The following KCNT2 variants were observed in gnomAD, a reference collection of about 807,000 sequenced individuals.
KCNT2 encodes the protein potassium sodium-activated channel subfamily T member 2.
A neutral mutation model predicts 153.8 loss-of-function variants in KCNT2; 67 were observed. That is an observed-to-expected ratio of 0.44 (90% CI 0.36 to 0.53). KCNT2 has a LOEUF of 0.53. Among genes scored for constraint, KCNT2 ranks in the 20% least tolerant of loss-of-function variants. KCNT2 has a pLI of 0.00. For synonymous variants in KCNT2, 500 were observed against 458.8 expected, an observed-to-expected ratio of 1.09 and a Z score of -1.15; for missense variants, 975 against 1,354.8, an observed-to-expected ratio of 0.72 and a Z score of 4.40.
chr1:196,337,233 G>A (rs1383596091), intron 16 of KCNT2, among the ~76,000 whole-genome samples: 3 of 148,676 alleles, frequency 2.0e-5, no homozygotes, highest in Admixed American at 6.9e-5. Flanking sequence ...TGCTTAATCC[G>A]AAAACCTTAT....
At chr1:196,232,505 G>C (rs910973276) in intron 27 of KCNT2, among the ~76,000 whole-genome samples, 10 of 151,546 alleles carry the variant, frequency 6.6e-5, no homozygotes, top group Admixed American at 5.9e-4. Context: ...TCTTTCAAAT[G>C]ATAATTTATC....
intron 13 of KCNT2, among the ~76,000 whole-genome samples, chr1:196,382,184 C>T (rs947349407): frequency 6.6e-6 from 1 of 151,798 alleles, no homozygotes; most frequent in African/African-American, 2.4e-5. Flanking sequence ...CTGCAAGCTC[C>T]GCCTCCCAGG....
At chr1:196,391,681 C>T (rs543127429) in intron 13 of KCNT2, among the ~76,000 whole-genome samples, 3 of 151,288 alleles carry the variant, frequency 2.0e-5, no homozygotes, top group East Asian at 3.9e-4. Context: ...ACATCTTTTG[C>T]AATATTTAAA....
In KCNT2 at chr1:196,388,370, A is replaced by G. The variant is rs563905621; in HGVS notation, c.1294+10193T>C. The stretch of plus-strand genomic sequence containing the variant: ...TTCTGACATGAATCTTCTTTTTCAT[A>G]GTTGTTATGACTATTATCTTTACAT... On this transcript the variant is annotated intron_variant, in intron 13 of 27. Transcript: ENST00000294725. Among the ~76,000 whole-genome samples the G allele has an allele frequency of 7.9e-5, 12 of 151,798 alleles. No individual in the cohort carries two copies. In the South Asian group the frequency reaches 2.5e-3, roughly 31 times the overall value.
At chr1:196,574,627 G>C (rs1441982951) in intron 1 of KCNT2, among the ~76,000 whole-genome samples, 1 of 151,680 alleles carries the variant, frequency 6.6e-6, no homozygotes, top group African/African-American at 2.4e-5. Flanking sequence ...TTCTTGATGA[G>C]GCCTTTTCAA....
intron 12 of KCNT2, among the ~76,000 whole-genome samples, chr1:196,420,213 G>C (rs915056432): frequency 5.3e-5 from 8 of 151,576 alleles, no homozygotes; most frequent in African/African-American, 1.9e-4. Context: ...TGAGTGTCTT[G>C]TTTTGTTTTG....
chr1:196,461,764 T>C (rs1677173998), intron 8 of KCNT2, among the ~76,000 whole-genome samples: 1 of 151,696 alleles, frequency 6.6e-6, no homozygotes, highest in Non-Finnish European at 1.5e-5. Flanking sequence ...TCCATTACAA[T>C]GACCGAAAAA....
chr1:196,530,923 CTATTTAAT>C (rs978228343), intron 1 of KCNT2, among the ~76,000 whole-genome samples: 6 of 152,044 alleles, frequency 3.9e-5, no homozygotes, highest in African/African-American at 1.2e-4. Flanking sequence ...TTCCTAACTA[CTATTTAAT>C]TATTACTTTG....
chr1:196,485,189 C>T (rs1679322264), intron 3 of KCNT2, among the ~76,000 whole-genome samples: 1 of 151,962 alleles, frequency 6.6e-6, no homozygotes, highest in African/African-American at 2.4e-5. Flanking sequence ...AGCAAACTAA[C>T]ATAGGAACAG....
chr1:196,282,515 GT>G (rs1421874558), intron 23 of KCNT2, among the ~76,000 whole-genome samples, 159 bp from the exon 24 acceptor site: 1 of 152,056 alleles, frequency 6.6e-6, no homozygotes, highest in Non-Finnish European at 1.5e-5. Flanking sequence ...AATCTATCTT[GT>G]TAGTATCCTA....
chr1:196,492,596 T>G (rs1679942996), intron 1 of KCNT2, among the ~76,000 whole-genome samples: 1 of 152,154 alleles, frequency 6.6e-6, no homozygotes, highest in African/African-American at 2.4e-5. Context: ...TTAAATATTA[T>G]ACATAGTCAA....
At chr1:196,240,847 C>T (rs773063249) in intron 26 of KCNT2, among the ~76,000 whole-genome samples, 1 of 152,046 alleles carries the variant, frequency 6.6e-6, no homozygotes, top group African/African-American at 2.4e-5. Context: ...AACAATTTTA[C>T]ATTAAATATA....
At chr1:196,521,926 A>G (rs1173603362) in intron 1 of KCNT2, among the ~76,000 whole-genome samples, 1 of 152,172 alleles carries the variant, frequency 6.6e-6, no homozygotes, top group Non-Finnish European at 1.5e-5. Context: ...CAAAGTGAAC[A>G]TGTACCCCTG....
At chr1:196,502,453 G>C (rs915480759) in intron 1 of KCNT2, among the ~76,000 whole-genome samples, 2 of 152,118 alleles carry the variant, frequency 1.3e-5, no homozygotes, top group Admixed American at 6.6e-5. Flanking sequence ...ACACGTATAT[G>C]CACATATATG....
intron 5 of KCNT2, among the ~76,000 whole-genome samples, chr1:196,470,790 A>T (rs896278516): frequency 9.2e-5 from 14 of 152,094 alleles, no homozygotes; most frequent in African/African-American, 3.1e-4. Context: ...TCCCTGTGCC[A>T]TGTAGGTCTG....
intron 11 of KCNT2, among the ~76,000 whole-genome samples, chr1:196,424,646 A>G (rs1410515955): frequency 2.0e-5 from 3 of 151,950 alleles, no homozygotes; most frequent in Admixed American, 6.6e-5. Flanking sequence ...GATAACACTC[A>G]TTATATCCTG....
intron 1 of KCNT2, among the ~76,000 whole-genome samples, chr1:196,607,941 G>A (rs547518747): frequency 1.1e-4 from 16 of 152,240 alleles, no homozygotes; most frequent in African/African-American, 3.6e-4. Context: ...TCCTAGAAAA[G>A]CACAGATAGA....
At chr1:196,357,429 G>GA (rs1440545037) in intron 14 of KCNT2, among the ~76,000 whole-genome samples, 1 of 151,890 alleles carries the variant, frequency 6.6e-6, no homozygotes, top group Non-Finnish European at 1.5e-5. Flanking sequence ...CCAGCTGGGA[G>GA]AAAAAACAGA....
chr1:196,517,080 C>G (rs1652667742), intron 1 of KCNT2, among the ~76,000 whole-genome samples: 1 of 152,128 alleles, frequency 6.6e-6, no homozygotes, highest in South Asian at 2.1e-4. Context: ...AGCCTTCATG[C>G]TTGCTGTCTC....
Sources: allele counts gnomAD v4.1 joint callset (sites outside exome capture counted in the v4.1 genomes callset), GRCh38; gene constraint gnomAD v4.1.1; transcripts MANE v1.5; gene names NCBI Gene and HGNC (gene_info 2026-07-23, HGNC 2026-07-21).